TGM6: variants seen among roughly 807,000 people sequenced by gnomAD.
TGM6 encodes the protein transglutaminase 6.
A neutral mutation model predicts 77.5 loss-of-function variants in TGM6; 74 were observed. The ratio of observed to expected loss-of-function variants is 0.96; its 90% CI spans 0.79 to 1.16. TGM6 has a LOEUF of 1.16. Among genes scored for constraint, TGM6 ranks in the 50% most tolerant of loss-of-function variants. TGM6 has a pLI of 0.00. For synonymous variants in TGM6, 383 were observed against 378.9 expected (o/e 1.01, Z -0.12); for missense variants, 968 against 940.2 (o/e 1.03, Z -0.39).
chr20:2,414,931 A>C (rs2084804860), intron 9 of TGM6, among the ~76,000 whole-genome samples: 1 of 72,808 alleles, frequency 1.4e-5, no homozygotes, highest in Non-Finnish European at 2.3e-5. Flanking sequence ...TGGTTACAGA[A>C]TTTGGGGGGG....
intron 7 of TGM6, among the ~76,000 whole-genome samples, chr20:2,402,853 C>T (rs553117444): frequency 6.6e-6 from 1 of 152,334 alleles, no homozygotes; most frequent in Non-Finnish European, 1.5e-5. Context: ...TAAATACTTT[C>T]TGCTCCTTGA....
chr20:2,403,711 G>A lies in TGM6; in HGVS notation c.1224G>A (p.Glu408=), dbSNP rs775654680. The part of the protein sequence containing the change: ...DYITWLWHED[E]SRERVYSNTK... ...TCACCTGGCTGTGGCACGAGGATGA[G>A]AGCCGGGAGCGTGTATACTCAAACA... Residue 408 remains glutamate (E), a synonymous_variant, in exon 9 of 13, where the codon GAG becomes GAA. Transcript: ENST00000202625. The A allele has an allele frequency of 1.2e-6, 2 of 1,614,248 alleles. No homozygotes were observed. Among genetic ancestry groups the A allele is most frequent in the East Asian group, 2.2e-5 (1 of 44,888 alleles).
intron 10 of TGM6, among the ~76,000 whole-genome samples, chr20:2,420,096 T>A (rs1210744866): frequency 2.0e-5 from 3 of 152,078 alleles, no homozygotes; most frequent in Non-Finnish European, 4.4e-5. Context: ...TACAAAAAAA[T>A]TAGCCGGGCG....
At chr20:2,419,305 A>G (rs1023870873) in intron 10 of TGM6, among the ~76,000 whole-genome samples, 4 of 152,142 alleles carry the variant, frequency 2.6e-5, no homozygotes, top group African/African-American at 9.7e-5. Flanking sequence ...AAACAAAGAA[A>G]TTGTTGCTCT....
rs79425096 is a variant in TGM6 at position 2,382,487 on chromosome 20, G to T, written c.7+1512G>T. On this transcript the variant is annotated intron_variant, in intron 1 of 12. Coordinates refer to ENST00000202625, the MANE Select transcript of TGM6 (RefSeq NM_198994.3). ...GGTTAGTTTCTGAGGAAGGAAAAAA[G>T]TTGATGATGATGCCCATTGTCAGGT... Among the ~76,000 whole-genome samples the T allele has an allele frequency of 2.4e-4, 36 of 152,336 alleles. No individual in the cohort carries two copies. In the East Asian group the frequency reaches 6.6e-3, roughly 28 times the overall value.
intron 1 of TGM6, among the ~76,000 whole-genome samples, chr20:2,386,984 C>G (rs2084600826): frequency 6.6e-6 from 1 of 152,200 alleles, no homozygotes; most frequent in Non-Finnish European, 1.5e-5. Context: ...AAAATAGCAT[C>G]CTGTTCTGGC....
chr20:2,432,556 C>T lies in TGM6; in HGVS notation c.2034C>T (p.Gly678=), dbSNP rs969505451. The part of the protein sequence containing the change: ...VQFDITPSKS[G]PRQLQVDLVS... ...TTGACATCACCCCCTCCAAAAGTGGCCCAAGGCAGCTGCAGGTGGACCTTG... is the reference window on the plus strand; with the variant it reads ...TTGACATCACCCCCTCCAAAAGTGGTCCAAGGCAGCTGCAGGTGGACCTTG... The change falls in exon 13 of 13, where the codon GGC becomes GGT. Residue 678 remains glycine (G), a synonymous_variant. Transcript: ENST00000202625. 3.7e-6 allele frequency: 6 copies of T among 1,613,972 alleles called. No individual in the cohort carries two copies. The Admixed American group carries it at 5.0e-5, about 13-fold the overall frequency.
intron 9 of TGM6, among the ~76,000 whole-genome samples, chr20:2,415,337 T>G (rs896099056): frequency 3.3e-5 from 5 of 151,898 alleles, no homozygotes; most frequent in Non-Finnish European, 4.4e-5. Flanking sequence ...AGGTTTCAAA[T>G]AGGGAAGGAG....
intron 4 of TGM6, among the ~76,000 whole-genome samples, chr20:2,396,923 G>C (rs2084673203): frequency 6.6e-6 from 1 of 152,176 alleles, no homozygotes; most frequent in Non-Finnish European, 1.5e-5. Context: ...AATCCCAGGA[G>C]GGATGGCGTG....
Position 2,397,932 on chromosome 20 carries a change from C to G in TGM6, c.558C>G (p.Ile186Met). The change falls in exon 5 of 13, where the codon ATC (isoleucine) becomes ATG (methionine). Residue 186 changes from isoleucine (I) to methionine (M), a missense_variant. Coordinates refer to ENST00000202625, the MANE Select transcript of TGM6 (RefSeq NM_198994.3). Reference protein sequence around the residue: ...GWNYGQFEEDILNICLSILDR... With the variant: ...GWNYGQFEEDMLNICLSILDR... ...CTGGGGAGCAGTTTGAGGAGGACATCCTGAACATCTGCCTCTCCATCCTGG... is the reference window on the plus strand; with the variant it reads ...CTGGGGAGCAGTTTGAGGAGGACATGCTGAACATCTGCCTCTCCATCCTGG... 1.2e-6 allele frequency: 2 copies of G among 1,614,124 alleles called. No individual in the cohort carries two copies. The highest frequency in any genetic ancestry group is 1.7e-6 in the Non-Finnish European group (2 of 1,180,020).
At chr20:2,395,038 C>T (rs538276446) in intron 2 of TGM6, among the ~76,000 whole-genome samples, 156 bp from the exon 3 acceptor site, 1 of 152,332 alleles carries the variant, frequency 6.6e-6, no homozygotes, top group East Asian at 1.9e-4. Flanking sequence ...CCTCACTTGG[C>T]CACTGGCCTT....
At chr20:2,408,562 T>C (rs143037617) in intron 9 of TGM6, among the ~76,000 whole-genome samples, 3 of 152,292 alleles carry the variant, frequency 2.0e-5, no homozygotes, top group Admixed American at 6.5e-5. Flanking sequence ...ATCAACTGCA[T>C]AGTAGGTGCT....
chr20:2,399,458 C>T (rs556062899), intron 5 of TGM6, 103 bp from the exon 6 acceptor site: 208 of 1,521,688 alleles, frequency 1.4e-4, no homozygotes, highest in Non-Finnish European at 1.8e-4. Flanking sequence ...AAGAGTGACC[C>T]CGATGGACCT....
At chr20:2,394,761 A>G in intron 2 of TGM6, 136 bp downstream of exon 2, 1 of 1,083,684 alleles carries the variant, frequency 9.2e-7, no homozygotes, top group Non-Finnish European at 1.4e-6. Context: ...GGAGCCTTGA[A>G]CCCTGGAGGC....
chr20:2,421,806 C>A (rs187115656), intron 10 of TGM6, among the ~76,000 whole-genome samples: 28 of 152,188 alleles, frequency 1.8e-4, no homozygotes, highest in African/African-American at 6.3e-4. Flanking sequence ...TCAATTTTTT[C>A]TTTCATGGAT....
intron 9 of TGM6, among the ~76,000 whole-genome samples, chr20:2,416,002 G>A (rs965011971): frequency 2.0e-5 from 3 of 152,286 alleles, no homozygotes; most frequent in African/African-American, 4.8e-5. Context: ...TCCCTCTAGG[G>A]GGGGCTGCTA....
intron 10 of TGM6, among the ~76,000 whole-genome samples, chr20:2,420,029 G>A (rs1296550834): frequency 6.6e-6 from 1 of 152,142 alleles, no homozygotes; most frequent in African/African-American, 2.4e-5. Context: ...TGGATCACGA[G>A]GTCAGGAGAT....
At chr20:2,422,974 A>G (rs1375740109) in intron 10 of TGM6, among the ~76,000 whole-genome samples, 2 of 150,232 alleles carry the variant, frequency 1.3e-5, no homozygotes, top group African/African-American at 4.9e-5. Context: ...AAAGTTAACC[A>G]TCTGAACCTT....
At chr20:2,387,616 G>T (rs2084604695) in intron 1 of TGM6, among the ~76,000 whole-genome samples, 1 of 152,254 alleles carries the variant, frequency 6.6e-6, no homozygotes, top group Non-Finnish European at 1.5e-5. Context: ...CACAGCACCA[G>T]CCCAGACAGC....
Sources: allele counts gnomAD v4.1 joint callset (sites outside exome capture counted in the v4.1 genomes callset), GRCh38; gene constraint gnomAD v4.1.1; transcripts MANE v1.5; gene names NCBI Gene and HGNC (gene_info 2026-07-23, HGNC 2026-07-21).